The following FOXP4 variants were observed in gnomAD, a reference collection of about 807,000 sequenced individuals.
FOXP4 encodes the protein forkhead box P4, also known as forkhead box protein P4.
A neutral mutation model predicts 82.6 loss-of-function variants in FOXP4; 25 were observed. That is an observed-to-expected ratio of 0.30 (90% CI 0.22 to 0.42). The LOEUF is 0.42. Ranked by LOEUF, FOXP4 falls within the 10% of genes least tolerant of loss-of-function variation. FOXP4 has a pLI of 1.00. For synonymous variants in FOXP4, 415 were observed against 388.2 expected (o/e 1.07, Z -0.81); for missense variants, 785 against 900.9 (o/e 0.87, Z 1.65).
chr6:41,576,060 C>G (rs953957381), intron 2 of FOXP4, among the ~76,000 whole-genome samples: 4 of 151,386 alleles, frequency 2.6e-5, no homozygotes, highest in African/African-American at 9.7e-5. Context: ...CCCCCCCCCC[C>G]ACCCTTCCTC....
At chr6:41,586,501 G>A (rs1296684445) in intron 5 of FOXP4, among the ~76,000 whole-genome samples, 2 of 152,240 alleles carry the variant, frequency 1.3e-5, no homozygotes, top group African/African-American at 2.4e-5. Flanking sequence ...CTGGGTCCCA[G>A]TGAGTCCCGT....
Position 41,599,186 on chromosome 6 carries a change from G to A in FOXP4, c.*250G>A. 1 of 374,386 alleles carries A rather than the reference G, an allele frequency of 2.7e-6. No homozygotes were observed. The allele number at this position is 374,386 out of a possible 1,614,324, so 23.2% of individuals were successfully genotyped here. A position where few individuals can be genotyped will look rare whatever the true frequency, so the allele number is the denominator to read the frequency against. ...CACGGAGGGTTCAGACCCCTCCTCA[G>A]ACCCTCCCCACATCTGAAACTGCCT... On this transcript the variant is annotated 3_prime_UTR_variant, in exon 17 of 17. Transcript: ENST00000307972.
At chr6:41,582,262 T>C (rs1178222921) in intron 3 of FOXP4, among the ~76,000 whole-genome samples, 6 of 152,226 alleles carry the variant, frequency 3.9e-5, no homozygotes, top group Non-Finnish European at 7.3e-5. Flanking sequence ...TCCCATCTCA[T>C]CTGTGAGATG....
chr6:41,557,699 AAG>A (rs1347679605), intron 1 of FOXP4, among the ~76,000 whole-genome samples: 5 of 152,264 alleles, frequency 3.3e-5, no homozygotes, highest in East Asian at 1.9e-4. Context: ...TATATGCCAA[AAG>A]AGAGTGAGAA....
intron 2 of FOXP4, among the ~76,000 whole-genome samples, chr6:41,574,353 C>T (rs1241221124): frequency 6.6e-6 from 1 of 152,210 alleles, no homozygotes; most frequent in East Asian, 1.9e-4. Flanking sequence ...CTTCAGGCCT[C>T]AGTTTCCTTG....
chr6:41,578,564 C>A (rs1416853679), intron 3 of FOXP4, among the ~76,000 whole-genome samples: 1 of 151,984 alleles, frequency 6.6e-6, no homozygotes, highest in Non-Finnish European at 1.5e-5. Context: ...TCCACCAGCT[C>A]TCTCGCAGTC....
intron 16 of FOXP4, among the ~76,000 whole-genome samples, 191 bp downstream of exon 16, chr6:41,598,141 TCTCCCCAC>T (rs1054634471): frequency 4.5e-5 from 6 of 133,582 alleles, no homozygotes; most frequent in African/African-American, 1.4e-4. Context: ...TCTTATCCCC[TCTCCCCAC>T]CTCCCCACCT....
intron 7 of FOXP4, 71 bp downstream of exon 7, chr6:41,587,583 G>T: frequency 7.7e-7 from 1 of 1,293,630 alleles, no homozygotes; most frequent in East Asian, 2.4e-5. Context: ...CACCCATGAG[G>T]GCTGACTGTG....
intron 15 of FOXP4, among the ~76,000 whole-genome samples, chr6:41,597,512 T>A (rs1766917477): frequency 6.6e-6 from 1 of 152,166 alleles, no homozygotes; most frequent in Admixed American, 6.5e-5. Flanking sequence ...CTGGGGGTTC[T>A]CTGTTCCCTG....
At chr6:41,588,044 C>T (rs1423596943) in intron 8 of FOXP4, 147 bp downstream of exon 8, 4 of 594,830 alleles carry the variant, frequency 6.7e-6, no homozygotes, top group African/African-American at 5.5e-5. Context: ...TCTTTCTCTG[C>T]CCCCCACGGA....
chr6:41,557,233 G>C (rs576327826), intron 1 of FOXP4, among the ~76,000 whole-genome samples: 101 of 152,312 alleles, frequency 6.6e-4, no homozygotes, highest in African/African-American at 2.2e-3. Flanking sequence ...GAGGAGAATT[G>C]AGGGAAATCA....
At chr6:41,575,094 G>C (rs1016200623) in intron 2 of FOXP4, among the ~76,000 whole-genome samples, 66 of 152,210 alleles carry the variant, frequency 4.3e-4, no homozygotes, top group African/African-American at 1.5e-3. Context: ...TCAGCCTCTG[G>C]AGTAGCTGGC....
At chr6:41,583,226 G>A (rs368235071) in intron 3 of FOXP4, among the ~76,000 whole-genome samples, 15 of 152,360 alleles carry the variant, frequency 9.8e-5, no homozygotes, top group East Asian at 3.9e-4. Context: ...TGGGGTGAGC[G>A]AGAGGTGTTG....
chr6:41,594,757 T>G, intron 13 of FOXP4, 113 bp from the exon 14 acceptor site: 2 of 1,501,654 alleles, frequency 1.3e-6, no homozygotes, highest in Non-Finnish European at 1.8e-6. Flanking sequence ...TGCTCATCCC[T>G]GAGCTGGGGA....
chr6:41,589,895 A>G lies in FOXP4; in HGVS notation c.1149+41A>G, dbSNP rs1301290178. 4 of 1,606,446 alleles carry G rather than the reference A, an allele frequency of 2.5e-6. No individual in the cohort carries two copies. The African/African-American group carries it at 4.0e-5, about 16-fold the overall frequency. On this transcript the variant is annotated intron_variant, in intron 10 of 16. Coordinates refer to ENST00000307972, the MANE Select transcript of FOXP4 (RefSeq NM_001012426.2). ...CTCCCCGCCCCTCCCAGAGCCTTCC[A>G]CAGACCCTGGAGCCTCGGGACCCCC... is the stretch of plus-strand genomic sequence containing the variant.
At chr6:41,563,747 AG>A (rs1764722465) in intron 1 of FOXP4, among the ~76,000 whole-genome samples, 1 of 152,172 alleles carries the variant, frequency 6.6e-6, no homozygotes, top group Admixed American at 6.5e-5. Flanking sequence ...AAAGACTTGG[AG>A]GCTGGGATGA....
At chr6:41,549,633 A>G (rs1444549285) in intron 1 of FOXP4, among the ~76,000 whole-genome samples, 1 of 151,254 alleles carries the variant, frequency 6.6e-6, no homozygotes, top group Non-Finnish European at 1.5e-5. Flanking sequence ...CTGCCTGGGC[A>G]GGTCCCAGGC....
chr6:41,586,937 G>C, intron 5 of FOXP4, 72 bp from the exon 6 acceptor site: 1 of 1,491,716 alleles, frequency 6.7e-7, no homozygotes, highest in Non-Finnish European at 8.9e-7. Context: ...GGTGGCCGCG[G>C]GGTGGGGGCC....
chr6:41,597,580 G>C (rs999500794), intron 15 of FOXP4, among the ~76,000 whole-genome samples: 1 of 152,156 alleles, frequency 6.6e-6, no homozygotes, highest in African/African-American at 2.4e-5. Context: ...GAGGTCGGGG[G>C]GTCAGAGTTC....
Sources: allele counts gnomAD v4.1 joint callset (sites outside exome capture counted in the v4.1 genomes callset), GRCh38; gene constraint gnomAD v4.1.1; transcripts MANE v1.5; gene names NCBI Gene and HGNC (gene_info 2026-07-23, HGNC 2026-07-21).